The following CCL25 variants were observed in gnomAD, a reference collection of about 807,000 sequenced individuals.
The protein encoded by CCL25 is C-C motif chemokine ligand 25.
A neutral mutation model predicts 19.9 loss-of-function variants in CCL25; 14 were observed. That is an observed-to-expected ratio of 0.70 (90% confidence interval 0.47 to 1.10). The LOEUF is 1.10. Ranked by LOEUF, CCL25 falls within the 50% of genes least tolerant of loss-of-function variation. CCL25 has a pLI of 0.00. For missense variants in CCL25, 151 were observed against 181.2 expected, an observed-to-expected ratio of 0.83 and a Z score of 0.96; for synonymous variants, 68 against 73.2, an observed-to-expected ratio of 0.93 and a Z score of 0.36.
Position 8,053,107 on chromosome 19 carries a change from G to A in CCL25, c.58G>A (p.Ala20Thr), listed in dbSNP as rs760092914. 112 of 1,555,814 alleles carry A rather than the reference G, an allele frequency of 7.2e-5. No individual in the cohort carries two copies. The highest frequency in any genetic ancestry group is 9.2e-5 in the Non-Finnish European group (106 of 1,149,402). ...VAGFLGAWAP[A>T]VHTQGVFEDC... Reference sequence around the variant, plus strand: ...CGGCTTCCTGGGAGCCTGGGCCCCCGCTGTCCACACCCAAGGTACTGTGTT... The same window carrying A: ...CGGCTTCCTGGGAGCCTGGGCCCCCACTGTCCACACCCAAGGTACTGTGTT... The change falls in exon 2 of 6, where the codon GCT becomes ACT. Residue 20 changes from alanine (A) to threonine (T), a missense_variant. Ala to Thr is a moderately conservative substitution (Grantham distance 58, BLOSUM62 0). Coordinates refer to ENST00000315626, the MANE Select transcript of CCL25 (RefSeq NM_005624.4).
At chr19:8,053,977 G>A (rs542642435) in intron 2 of CCL25, among the ~76,000 whole-genome samples, 2 of 152,288 alleles carry the variant, frequency 1.3e-5, no homozygotes, top group East Asian at 3.9e-4. Context: ...GTCTGGCGGC[G>A]GCAATAGTAA....
chr19:8,059,050 TAATATATA>T (rs1765197848), intron 5 of CCL25, among the ~76,000 whole-genome samples: 1 of 114,756 alleles, frequency 8.7e-6, no homozygotes, highest in African/African-American at 3.3e-5. Context: ...AACATATATG[TAATATATA>T]AATATATATA....
chr19:8,057,458 T>C (rs1306373229), intron 4 of CCL25, among the ~76,000 whole-genome samples: 2 of 151,980 alleles, frequency 1.3e-5, no homozygotes, highest in Admixed American at 1.3e-4. Flanking sequence ...GCCTCCCAAG[T>C]AGCTGGGATT....
At chr19:8,059,017 AAT>A (rs2081295950) in intron 5 of CCL25, among the ~76,000 whole-genome samples, 1 of 130,056 alleles carries the variant, frequency 7.7e-6, no homozygotes, top group Admixed American at 9.8e-5. Context: ...ATAAATATAT[AAT>A]ATAAATATAT....
At chr19:8,058,379 T>TACA (rs1303174523) in intron 5 of CCL25, among the ~76,000 whole-genome samples, 1 of 123,654 alleles carries the variant, frequency 8.1e-6, no homozygotes, top group Non-Finnish European at 1.6e-5. Flanking sequence ...TATAAATATA[T>TACA]ATAATATATA....
Position 8,060,117 on chromosome 19 carries a change from T to G in CCL25, c.446-2101T>G, listed in dbSNP as rs199589062. Among the ~76,000 whole-genome samples the G allele has an allele frequency of 4.0e-5, 6 of 150,320 alleles. No individual in the cohort carries two copies. The East Asian group carries it at 1.2e-3, about 29-fold the overall frequency. ...ATAAATAAATAAATAATAAAAAAAT[T>G]GAGCCCAGGAGTTTGAGACCAGCCT... is the stretch of plus-strand genomic sequence containing the variant. On this transcript the variant is annotated intron_variant, in intron 5 of 5. Transcript: ENST00000315626.
At chr19:8,058,255 T>C (rs1180618804) in intron 5 of CCL25, among the ~76,000 whole-genome samples, 1 of 144,846 alleles carries the variant, frequency 6.9e-6, no homozygotes, top group Non-Finnish European at 1.5e-5. Flanking sequence ...TGTCTCTCTC[T>C]ATATATACAT....
intron 5 of CCL25, among the ~76,000 whole-genome samples, chr19:8,061,299 A>AT (rs1435083057): frequency 1.3e-5 from 2 of 151,058 alleles, no homozygotes; most frequent in Non-Finnish European, 3.0e-5. Context: ...TTCACCAGCA[A>AT]TTTTTTTGTT....
At chr19:8,055,334 T>G (rs909735869) in intron 2 of CCL25, among the ~76,000 whole-genome samples, 3 of 145,466 alleles carry the variant, frequency 2.1e-5, no homozygotes, top group African/African-American at 7.6e-5. Context: ...TAATTTTTGT[T>G]TTTTGTTTTG....
intron 5 of CCL25, among the ~76,000 whole-genome samples, chr19:8,061,230 C>G (rs2081315951): frequency 6.6e-6 from 1 of 151,802 alleles, no homozygotes; most frequent in South Asian, 2.1e-4. Flanking sequence ...CTCAAGTGAT[C>G]TGCCCACCTC....
chr19:8,056,240 G>A lies in CCL25; in HGVS notation c.162G>A (p.Val54=), dbSNP rs747649520. Residue 54 remains valine, a synonymous_variant, in exon 3 of 6, where the codon GTG becomes GTA. Transcript: ENST00000315626. ...CCTGGACTTACCGGATCCAGGAGGT[G>A]AGCGGGAGCTGCAATCTGCCTGCTG... ...RRAWTYRIQE[V]SGSCNLPAAI... The A allele has an allele frequency of 6.3e-7, 1 of 1,590,750 alleles. No homozygotes were observed. The highest frequency in any genetic ancestry group is 1.1e-5 in the South Asian group (1 of 88,258).
At chr19:8,058,104 G>A (rs888725456) in intron 5 of CCL25, among the ~76,000 whole-genome samples, 184 bp downstream of exon 5, 2 of 151,718 alleles carry the variant, frequency 1.3e-5, no homozygotes, top group South Asian at 4.1e-4. Context: ...GTGACTCAGC[G>A]CAAAGACACC....
At chr19:8,054,232 C>T (rs1290578110) in intron 2 of CCL25, among the ~76,000 whole-genome samples, 5 of 152,222 alleles carry the variant, frequency 3.3e-5, no homozygotes, top group Admixed American at 1.3e-4. Flanking sequence ...ACCTGCCCCT[C>T]GGCTGGGTCT....
chr19:8,053,324 G>A (rs780501914), intron 2 of CCL25, among the ~76,000 whole-genome samples: 6 of 152,016 alleles, frequency 3.9e-5, no homozygotes, highest in East Asian at 3.9e-4. Context: ...TTCCTTCTTC[G>A]AGAGCCCCAT....
chr19:8,059,154 A>ATATATAAATATATAT (rs2081300376), intron 5 of CCL25, among the ~76,000 whole-genome samples: 1 of 3,656 alleles, frequency 2.7e-4, no homozygotes, highest in Non-Finnish European at 6.5e-4. Context: ...AATATATAAT[A>ATATATAAATATATAT]TATATAATAT....
At chr19:8,056,113 T>C (rs62124690) in intron 2 of CCL25, 39 bp from the exon 3 acceptor site, 108,812 of 1,386,130 alleles carry the variant, frequency 0.079, 4,801 homozygotes, top group Non-Finnish European at 0.089. Flanking sequence ...CAAGTTAACA[T>C]GCAAGGGTGC....
At chr19:8,059,855 G>A (rs58264284) in intron 5 of CCL25, among the ~76,000 whole-genome samples, 126,103 of 151,774 alleles carry the variant, frequency 0.83, 52,567 homozygotes, top group South Asian at 0.92. Context: ...TTTGGGAGGC[G>A]GAGGTGGGTG....
chr19:8,056,728 G>A (rs2081275206), intron 4 of CCL25, among the ~76,000 whole-genome samples: 1 of 152,256 alleles, frequency 6.6e-6, no homozygotes, highest in South Asian at 2.1e-4. Flanking sequence ...TGCCCAGGCT[G>A]GAGTGCAGTA....
chr19:8,052,785 C>G lies in CCL25; in HGVS notation c.-88C>G. 1 of 440,492 alleles carries G rather than the reference C, an allele frequency of 2.3e-6. No homozygotes were observed. The highest frequency in any genetic ancestry group is 4.0e-6 in the Non-Finnish European group (1 of 247,804). 27.3% of individuals were successfully genotyped at this position (440,492 alleles called of 1,614,324 possible). A position where few individuals can be genotyped will look rare whatever the true frequency, so the allele number is the denominator to read the frequency against. ...GCAGATGGGACAGCTTGGCCTACAG[C>G]CCGGCGGGCATCAGCTCCCTTGACC... On this transcript the variant is annotated 5_prime_UTR_variant, in exon 1 of 6. Transcript: ENST00000315626.
Sources: allele counts gnomAD v4.1 joint callset (sites outside exome capture counted in the v4.1 genomes callset), GRCh38; gene constraint gnomAD v4.1.1; transcripts MANE v1.5; gene names NCBI Gene and HGNC (gene_info 2026-07-23, HGNC 2026-07-21).